The following RMND5B variants were observed in gnomAD, a reference collection of about 807,000 sequenced individuals.
The protein encoded by RMND5B is required for meiotic nuclear division 5 homolog B, also known as E3 ubiquitin-protein transferase RMND5B.
In RMND5B, 42 loss-of-function variants were observed where a neutral mutation model predicts 50.4. That is an observed-to-expected ratio of 0.83 (90% CI 0.65 to 1.08). RMND5B has a LOEUF of 1.08. RMND5B is among the 50% of genes least tolerant of loss of function. RMND5B has a pLI of 0.00. For missense variants in RMND5B, 463 were observed against 508.5 expected, an observed-to-expected ratio of 0.91 and a Z score of 0.86; for synonymous variants, 220 against 210.0, an observed-to-expected ratio of 1.05 and a Z score of -0.41.
rs1009476038 is a variant in RMND5B, at chr5:178,138,440, T to A, written c.139+182T>A. 1 of 1,369,894 alleles carries A rather than the reference T, an allele frequency of 7.3e-7. No homozygotes were observed. Among genetic ancestry groups the A allele is most frequent in the Admixed American group, 3.4e-5 (1 of 29,258 alleles). 84.9% of individuals were successfully genotyped at this position (1,369,894 alleles called of 1,614,324 possible). A position where few individuals can be genotyped will look rare whatever the true frequency, so the allele number is the denominator to read the frequency against. ...CTACTTCAAAAAGCCCAACAAATTA[T>A]TAATTTACCTGAGATGATTCCCATT... is the stretch of plus-strand genomic sequence containing the variant. On this transcript the variant is annotated intron_variant, in intron 3 of 10. Coordinates refer to ENST00000313386, the MANE Select transcript of RMND5B (RefSeq NM_022762.5). The surrounding 1 kb of genome is among the most constrained non-coding windows in gnomAD (Gnocchi z 5.1).
intron 2 of RMND5B, among the ~76,000 whole-genome samples, chr5:178,132,179 G>A (rs1229274917): frequency 1.3e-5 from 2 of 152,092 alleles, no homozygotes; most frequent in African/African-American, 4.8e-5. Context: ...AGTGGCTCAC[G>A]CTTGTAACCC....
intron 10 of RMND5B, 25 bp from the exon 11 acceptor site, chr5:178,147,944 G>A (rs540573382): frequency 6.8e-6 from 11 of 1,614,144 alleles, no homozygotes; most frequent in African/African-American, 2.7e-5. Flanking sequence ...CCCCTGAGAC[G>A]TTCTCGGTTC....
intron 7 of RMND5B, among the ~76,000 whole-genome samples, chr5:178,145,260 G>C (rs948455572): frequency 6.6e-6 from 1 of 152,040 alleles, no homozygotes; most frequent in African/African-American, 2.4e-5. Flanking sequence ...GCTGAGGCGG[G>C]TGGATCATGA....
chr5:178,131,285 C>T lies in RMND5B; in HGVS notation c.-104C>T, dbSNP rs991112355. 6.6e-6 allele frequency: 1 copy of T among 152,130 alleles called. No homozygotes were observed. The highest frequency in any genetic ancestry group is 2.4e-5 in the African/African-American group (1 of 41,440). The allele number at this position is 152,130 out of a possible 1,614,324, so 9.4% of individuals were successfully genotyped here. A position where few individuals can be genotyped will look rare whatever the true frequency, so the allele number is the denominator to read the frequency against. On this transcript the variant is annotated 5_prime_UTR_variant, in exon 2 of 11. Coordinates refer to ENST00000313386, the MANE Select transcript of RMND5B (RefSeq NM_022762.5). ...GGAGTCCCAGACTCATAGGTCCCGGCCCAGCCCCCGAAGAGCCGCCTCAGC... is the reference window on the plus strand; with the variant it reads ...GGAGTCCCAGACTCATAGGTCCCGGTCCAGCCCCCGAAGAGCCGCCTCAGC...
rs1004257200 is a variant in RMND5B, at chr5:178,148,253, T to C, written c.*221T>C. The C allele has an allele frequency of 1.8e-5, 11 of 596,420 alleles. No individual in the cohort carries two copies. The highest frequency in any genetic ancestry group is 1.2e-4 in the Admixed American group (4 of 33,850). 36.9% of individuals were successfully genotyped at this position (596,420 alleles called of 1,614,324 possible). On this transcript the variant is annotated 3_prime_UTR_variant, in exon 11 of 11. Coordinates refer to ENST00000313386, the MANE Select transcript of RMND5B (RefSeq NM_022762.5). ...GCTCCATGGCATAAGGAAAGGGAGA[T>C]GCTGGCCTCTGTGCTCCTGCTGTCT...
At position 178,149,481 on chromosome 5, in the gene RMND5B, C is replaced by T. The variant is rs1756202476; in HGVS notation, c.*1449C>T. On this transcript the variant is annotated 3_prime_UTR_variant, in exon 11 of 11. Transcript: ENST00000313386. ...CACCACATTTTAGTCTTAGCATTTA[C>T]TTTCCCCACCCCACATTCTTGGAAC... 5.7e-6 allele frequency: 3 copies of T among 523,720 alleles called. No homozygotes were observed. The highest frequency in any genetic ancestry group is 3.7e-5 in the East Asian group (1 of 27,296). The allele number at this position is 523,720 out of a possible 1,614,324, so 32.4% of individuals were successfully genotyped here.
At chr5:178,143,546 T>G (rs1581124371) in intron 5 of RMND5B, 81 bp from the exon 6 acceptor site, 105 of 1,102,674 alleles carry the variant, frequency 9.5e-5, no homozygotes, top group East Asian at 3.7e-4. Context: ...CTTTGGCGGG[T>G]GAGCTTTTAT....
At chr5:178,144,324 G>A (rs116607328) in intron 7 of RMND5B, among the ~76,000 whole-genome samples, 2,617 of 152,222 alleles carry the variant, frequency 0.017, 41 homozygotes, top group East Asian at 0.086. Context: ...TAGCTTCAGC[G>A]CAGACCACCC....
rs117707106 is a variant in RMND5B at position 178,131,731 on chromosome 5, C to T, written c.-13+355C>T. On this transcript the variant is annotated intron_variant, in intron 2 of 10. Transcript: ENST00000313386. ...ATTAGGAGGCAGGCTTAGGAAGATACGGGAAGAGAGTGGTCCAGGCAGCGG... is the reference window on the plus strand; with the variant it reads ...ATTAGGAGGCAGGCTTAGGAAGATATGGGAAGAGAGTGGTCCAGGCAGCGG... Among the ~76,000 whole-genome samples the T allele has an allele frequency of 1.1e-4, 16 of 152,088 alleles. No individual in the cohort carries two copies. The East Asian group carries it at 2.7e-3, about 26-fold the overall frequency.
chr5:178,131,666 AGAGCATCTCT>A (rs1392192018), intron 2 of RMND5B, among the ~76,000 whole-genome samples: 1 of 151,950 alleles, frequency 6.6e-6, no homozygotes, highest in Non-Finnish European at 1.5e-5. Context: ...GTGGTCTAGC[AGAGCATCTCT>A]GAGGACGGGA....
chr5:178,133,501 GGTTCAA>G (rs1758446320), intron 2 of RMND5B: 1 of 152,008 alleles, frequency 6.6e-6, no homozygotes, highest in Non-Finnish European at 1.5e-5. Flanking sequence ...CCACCTCCTA[GGTTCAA>G]GCGATTGTCC....
Position 178,146,212 on chromosome 5 carries a change from T to C in RMND5B, c.793T>C (p.Cys265Arg). The change falls in exon 8 of 11, where the codon TGT (cysteine) becomes CGT (arginine). Residue 265 changes from cysteine to arginine, a missense_variant. Coordinates refer to ENST00000313386, the MANE Select transcript of RMND5B (RefSeq NM_022762.5). ...GGACAGCAGCCACTGGGCAGAGATC[T>C]GTGAGACCTTTACCCGGGACGCCTG... ...LLDSSHWAEI[C>R]ETFTRDACSL... 6.2e-7 allele frequency: 1 copy of C among 1,614,128 alleles called. No homozygotes were observed. The highest frequency in any genetic ancestry group is 1.7e-5 in the Admixed American group (1 of 60,026).
rs867819353 is a variant in RMND5B, at chr5:178,137,912, G to T, written c.-12-196G>T. The stretch of plus-strand genomic sequence containing the variant: ...CACACCAGCCTGCATCCTCCACTGG[G>T]CACCCCAGTGGAGTGAGGAGATGGG... On this transcript the variant is annotated intron_variant, in intron 2 of 10. Transcript: ENST00000313386. This position sits in a 1 kb window ranked among gnomAD's most constrained non-coding sequence, Gnocchi z 4.4. Among the ~76,000 whole-genome samples, 2 of 152,100 alleles carry T rather than the reference G, an allele frequency of 1.3e-5. No homozygotes were observed. Among genetic ancestry groups the T allele is most frequent in the African/African-American group, 4.8e-5 (2 of 41,424 alleles).
chr5:178,133,868 C>T (rs578230249), intron 2 of RMND5B, among the ~76,000 whole-genome samples: 10 of 152,280 alleles, frequency 6.6e-5, no homozygotes, highest in African/African-American at 2.4e-4. Flanking sequence ...CCCGCCACCA[C>T]ACCCGGCTAA....
Position 178,146,209 on chromosome 5 carries a change from A to C in RMND5B, c.790A>C (p.Ile264Leu). The change falls in exon 8 of 11, where the codon ATC becomes CTC. Residue 264 changes from isoleucine (I) to leucine (L), a missense_variant. Physicochemically the swap from Ile to Leu is conservative, Grantham distance 5. Transcript: ENST00000313386. ...HLLDSSHWAE[I>L]CETFTRDACS... ...GCTGGACAGCAGCCACTGGGCAGAGATCTGTGAGACCTTTACCCGGGACGC... is the reference window on the plus strand; with the variant it reads ...GCTGGACAGCAGCCACTGGGCAGAGCTCTGTGAGACCTTTACCCGGGACGC... 6.2e-7 allele frequency: 1 copy of C among 1,614,170 alleles called. No homozygotes were observed. The highest frequency in any genetic ancestry group is 1.1e-5 in the South Asian group (1 of 91,078).
intron 5 of RMND5B, 37 bp from the exon 6 acceptor site, chr5:178,143,590 C>T: frequency 2.0e-6 from 3 of 1,469,102 alleles, no homozygotes; most frequent in Non-Finnish European, 2.9e-6. Context: ...GAAACACCAT[C>T]TTCCAGTGGT....
chr5:178,146,096 C>T lies in RMND5B; in HGVS notation c.695-18C>T. ...GAGCCCTGCACCCCCTGAGCTGCCC[C>T]CTCTGGTTGCCTTGTAGAGATCCAG... On this transcript the variant is annotated intron_variant, in intron 7 of 10. Coordinates refer to ENST00000313386, the MANE Select transcript of RMND5B (RefSeq NM_022762.5). 6.2e-7 allele frequency: 1 copy of T among 1,613,466 alleles called. No homozygotes were observed. Among genetic ancestry groups the T allele is most frequent in the South Asian group, 1.1e-5 (1 of 90,980 alleles).
rs756246288 is a variant in RMND5B, at chr5:178,147,599, G to A, written c.927G>A (p.Gln309=). 35 of 1,614,112 alleles carry A rather than the reference G, an allele frequency of 2.2e-5. No individual in the cohort carries two copies. The South Asian group carries it at 3.1e-4, about 14-fold the overall frequency. ...MNIKAVIEQR[Q]CTGVWNHKDE... Reference sequence around the variant, plus strand: ...TCAAGGCTGTGATTGAGCAGCGGCAGTGCACTGGGGTCTGGAATCACAAGG... The same window carrying A: ...TCAAGGCTGTGATTGAGCAGCGGCAATGCACTGGGGTCTGGAATCACAAGG... Residue 309 remains glutamine (Q), a synonymous_variant, in exon 9 of 11, where the codon CAG becomes CAA. Transcript: ENST00000313386.
chr5:178,145,934 C>T, intron 7 of RMND5B, 180 bp from the exon 8 acceptor site: 1 of 585,454 alleles, frequency 1.7e-6, no homozygotes, highest in Non-Finnish European at 3.0e-6. Flanking sequence ...ACCTCCACCT[C>T]CCCAGTGGAT....
Sources: gnomAD v4.1 joint callset for allele counts (sites outside exome capture counted in the v4.1 genomes callset) on GRCh38, gnomAD v4.1.1 for gene constraint, Gnocchi (gnomAD v3.1) non-coding constraint, MANE v1.5 for transcripts, NCBI Gene and HGNC (gene_info 2026-07-23, HGNC 2026-07-21) for gene names.